RORA: variants seen among roughly 807,000 people sequenced by gnomAD.
RORA encodes the protein RAR related orphan receptor A, also known as nuclear receptor ROR-alpha.
Under a neutral mutation model 69.5 loss-of-function variants are expected in RORA, and 7 were observed. That is an observed-to-expected ratio of 0.10 (90% CI 0.06 to 0.19). The LOEUF is 0.19. Ranked by LOEUF, RORA falls within the 10% of genes least tolerant of loss-of-function variation. The pLI, the probability that RORA is intolerant of heterozygous loss-of-function variation, is 1.00. For missense variants in RORA, 457 were observed against 663.0 expected (o/e 0.69, Z 3.41); for synonymous variants, 261 against 240.8 (o/e 1.08, Z -0.78).
chr15:60,820,427 G>A (rs1249922697), intron 1 of RORA, among the ~76,000 whole-genome samples: 3 of 152,286 alleles, frequency 2.0e-5, no homozygotes, highest in South Asian at 2.1e-4. Flanking sequence ...TGGAGGTCTT[G>A]AAGAAACGGA....
chr15:60,562,611 ATT>A (rs34301774), intron 2 of RORA, among the ~76,000 whole-genome samples: 7,559 of 137,432 alleles, frequency 0.055, 658 homozygotes, highest in African/African-American at 0.18. Flanking sequence ...AACTTTCTGT[ATT>A]TTTTTTTTTT....
intron 1 of RORA, among the ~76,000 whole-genome samples, chr15:61,069,706 G>A (rs1595943908): frequency 6.8e-6 from 1 of 146,994 alleles, no homozygotes; most frequent in Non-Finnish European, 1.5e-5. Context: ...TCAAAAAACA[G>A]CAATTGCTTG....
At chr15:61,138,625 C>T (rs1010845960) in intron 1 of RORA, among the ~76,000 whole-genome samples, 21 of 152,064 alleles carry the variant, frequency 1.4e-4, no homozygotes, top group African/African-American at 4.6e-4. Context: ...AAAGCTTGTA[C>T]CCCATAGATA....
At chr15:60,881,049 GATTA>G (rs1229139386) in intron 1 of RORA, among the ~76,000 whole-genome samples, 1 of 152,170 alleles carries the variant, frequency 6.6e-6, no homozygotes, top group Non-Finnish European at 1.5e-5. Context: ...TCTAAACAAG[GATTA>G]ATTAGAAGTG....
At chr15:60,799,137 C>A (rs910375276) in intron 1 of RORA, among the ~76,000 whole-genome samples, 5 of 152,160 alleles carry the variant, frequency 3.3e-5, no homozygotes, top group African/African-American at 1.2e-4. Context: ...TCTGGAACTA[C>A]ACTCAGACTC....
intron 1 of RORA, among the ~76,000 whole-genome samples, chr15:61,125,023 G>C (rs563776635): frequency 6.6e-6 from 1 of 152,274 alleles, no homozygotes; most frequent in African/African-American, 2.4e-5. Flanking sequence ...GGAAAGGGAG[G>C]GGATCAATTG....
chr15:60,777,605 CCCTAT>C (rs1404382585), intron 1 of RORA, among the ~76,000 whole-genome samples: 1 of 152,142 alleles, frequency 6.6e-6, no homozygotes, highest in Admixed American at 6.5e-5. Context: ...ATGCCCAGCC[CCCTAT>C]CACTGTGGGC....
At chr15:61,187,103 T>C (rs768875848) in intron 1 of RORA, among the ~76,000 whole-genome samples, 3 of 152,264 alleles carry the variant, frequency 2.0e-5, no homozygotes, top group Non-Finnish European at 4.4e-5. Context: ...GAAGTGCTTC[T>C]TTCAAAAGCG....
intron 1 of RORA, chr15:60,681,915 A>G (rs1290539461): frequency 1.3e-5 from 2 of 152,232 alleles, no homozygotes; most frequent in African/African-American, 2.4e-5. Context: ...TAGGCTTACT[A>G]AAGATAAACT....
chr15:60,862,342 C>T (rs1157151715), intron 1 of RORA, among the ~76,000 whole-genome samples: 1 of 152,140 alleles, frequency 6.6e-6, no homozygotes, highest in Non-Finnish European at 1.5e-5. Flanking sequence ...AAATTCTTAG[C>T]TTAGATGTAT....
Position 61,226,322 on chromosome 15 carries a change from T to C in RORA, c.166+2731A>G, listed in dbSNP as rs922469039. ...TCCTGGAGGTTGAAAATGCTAATCA[T>C]AAGGTGATGATGTTTGCTTTTCCTT... On this transcript the variant is annotated intron_variant, in intron 1 of 10. Coordinates refer to ENST00000335670, the MANE Select transcript of RORA (RefSeq NM_134261.3). The surrounding 1 kb of genome is among the most constrained non-coding windows in gnomAD (Gnocchi z 4.2). 1.3e-5 allele frequency among the ~76,000 whole-genome samples: 2 copies of C among 152,192 alleles called. No homozygotes were observed. The highest frequency in any genetic ancestry group is 1.3e-4 in the Admixed American group (2 of 15,282).
At chr15:61,015,946 A>T (rs1356970487) in intron 1 of RORA, among the ~76,000 whole-genome samples, 1 of 152,212 alleles carries the variant, frequency 6.6e-6, no homozygotes, top group Non-Finnish European at 1.5e-5. Flanking sequence ...TACGTGGAAT[A>T]TGGATAAACC....
At chr15:61,090,822 T>C (rs12902142) in intron 1 of RORA, among the ~76,000 whole-genome samples, 35,837 of 152,016 alleles carry the variant, frequency 0.24, 4,673 homozygotes, top group East Asian at 0.45. Context: ...CTGCCACTGT[T>C]ATTCACCCCT....
intron 1 of RORA, among the ~76,000 whole-genome samples, chr15:60,722,836 TC>T (rs1383173670): frequency 1.3e-5 from 2 of 152,114 alleles, no homozygotes; most frequent in Admixed American, 6.6e-5. Context: ...AGACCCTCCT[TC>T]CCATTTCTCA....
Position 60,499,991 on chromosome 15 carries a change from C to G in RORA, c.1308G>C (p.Leu436=). The part of the protein sequence containing the change: ...FVLMSADRSW[L]QEKVKIEKLQ... The stretch of plus-strand genomic sequence containing the variant: ...GTTTTTCAATTTTTACCTTTTCTTG[C>G]AGCCATGAGCGATCTAAGCATAAAA... The change falls in exon 10 of 11, where the codon CTG becomes CTC. Residue 436 remains leucine, a synonymous_variant. Coordinates refer to ENST00000335670, the MANE Select transcript of RORA (RefSeq NM_134261.3). 6.2e-7 allele frequency: 1 copy of G among 1,608,140 alleles called. No individual in the cohort carries two copies.
chr15:61,078,310 C>T (rs905956229), intron 1 of RORA, among the ~76,000 whole-genome samples: 2 of 150,874 alleles, frequency 1.3e-5, no homozygotes, highest in South Asian at 2.1e-4. Context: ...ATTACAGGCA[C>T]GTGCCACCAC....
At chr15:61,114,591 T>A (rs182695989) in intron 1 of RORA, among the ~76,000 whole-genome samples, 28 of 152,328 alleles carry the variant, frequency 1.8e-4, no homozygotes, top group Admixed American at 1.4e-3. Context: ...TTTCTGCAAG[T>A]ATTTGGAGTC....
chr15:60,540,581 C>T (rs1204707190), intron 2 of RORA, among the ~76,000 whole-genome samples: 1 of 135,642 alleles, frequency 7.4e-6, no homozygotes, highest in African/African-American at 3.1e-5. Context: ...CCCCCCAAAA[C>T]TGTGCGGTCA....
chr15:61,002,858 A>G (rs969733371), intron 1 of RORA, among the ~76,000 whole-genome samples: 14 of 151,990 alleles, frequency 9.2e-5, no homozygotes, highest in African/African-American at 3.4e-4. Context: ...AGGGCCGGGC[A>G]TGGTGGCTCA....
Sources: gnomAD v4.1 joint callset for allele counts (sites outside exome capture counted in the v4.1 genomes callset) on GRCh38, gnomAD v4.1.1 for gene constraint, Gnocchi (gnomAD v3.1) non-coding constraint, MANE v1.5 for transcripts, NCBI Gene and HGNC (gene_info 2026-07-23, HGNC 2026-07-21) for gene names.